MARK2: variants seen among roughly 807,000 people sequenced by gnomAD.
MARK2 encodes microtubule affinity regulating kinase 2.
A neutral mutation model predicts 89.8 loss-of-function variants in MARK2; 16 were observed. That is an observed-to-expected ratio of 0.18 (90% CI 0.12 to 0.27). MARK2 has a LOEUF of 0.27. MARK2 is among the 10% of genes least tolerant of loss of function. MARK2 has a pLI of 1.00. For missense variants in MARK2, 621 were observed against 1,049.9 expected, an observed-to-expected ratio of 0.59 and a Z score of 5.65; for synonymous variants, 382 against 399.5, an observed-to-expected ratio of 0.96 and a Z score of 0.52.
intron 1 of MARK2, among the ~76,000 whole-genome samples, chr11:63,863,824 G>A (rs1256996471): frequency 6.6e-6 from 1 of 151,904 alleles, no homozygotes. Flanking sequence ...CCAAGCTGGA[G>A]TGTAGTGGCC....
chr11:63,892,098 G>A (rs1939903200), intron 1 of MARK2, among the ~76,000 whole-genome samples: 1 of 152,238 alleles, frequency 6.6e-6, no homozygotes, highest in African/African-American at 2.4e-5. Context: ...GGGCTGGAAT[G>A]AGCAGACAAT....
In MARK2 at chr11:63,903,493, G is replaced by C. The variant is rs549167430; in HGVS notation, c.1514+335G>C. On this transcript the variant is annotated intron_variant, in intron 14 of 18. Transcript: ENST00000402010. The surrounding 1 kb of genome is among the most constrained non-coding windows in gnomAD (Gnocchi z 5.1). ...CCTTGTGTTGGGGGTCCCAGCTCAG[G>C]GCAGAACCAAGAGATGCCCACCTTG... 2.9e-5 allele frequency: 11 copies of C among 376,212 alleles called. No homozygotes were observed. The highest frequency in any genetic ancestry group is 2.7e-4 in the South Asian group (10 of 36,518). The allele number at this position is 376,212 out of a possible 1,614,324, so 23.3% of individuals were successfully genotyped here.
chr11:63,840,092 TC>T (rs1470107056), intron 1 of MARK2, among the ~76,000 whole-genome samples: 1 of 152,156 alleles, frequency 6.6e-6, no homozygotes, highest in Non-Finnish European at 1.5e-5. Flanking sequence ...CCCAGCTTTT[TC>T]TACCCTGCTT....
intron 1 of MARK2, among the ~76,000 whole-genome samples, chr11:63,842,467 A>G (rs1205023410): frequency 3.3e-5 from 5 of 151,966 alleles, no homozygotes; most frequent in Admixed American, 6.6e-5. Flanking sequence ...CGGCCTCCCA[A>G]AGTGCTGGGA....
chr11:63,906,035 G>GTT, intron 16 of MARK2, 53 bp from the exon 17 acceptor site: 50 of 1,214,334 alleles, frequency 4.1e-5, no homozygotes, highest in South Asian at 2.6e-4. Context: ...CGTCTTGTTG[G>GTT]TTTTTTTTTT....
At chr11:63,840,426 A>G (rs1256265746) in intron 1 of MARK2, among the ~76,000 whole-genome samples, 1 of 151,918 alleles carries the variant, frequency 6.6e-6, no homozygotes, top group Non-Finnish European at 1.5e-5. Flanking sequence ...CCAGCCTTCT[A>G]CTGGGCTCTT....
chr11:63,874,753 GT>G (rs1189037267), intron 1 of MARK2, among the ~76,000 whole-genome samples: 1 of 152,124 alleles, frequency 6.6e-6, no homozygotes, highest in Non-Finnish European at 1.5e-5. Context: ...CATGACCTTG[GT>G]TATCTCTTTA....
intron 11 of MARK2, among the ~76,000 whole-genome samples, chr11:63,901,422 G>GGTGTGTGT (rs147425490): frequency 1.6e-4 from 22 of 139,694 alleles, no homozygotes; most frequent in East Asian, 1.5e-3. Flanking sequence ...TACATTTCTG[G>GGTGTGTGT]GTGTGTGTGT....
chr11:63,889,175 G>A (rs1164938541), intron 1 of MARK2, among the ~76,000 whole-genome samples: 1 of 152,122 alleles, frequency 6.6e-6, no homozygotes, highest in Non-Finnish European at 1.5e-5. Context: ...AGAACAAGCA[G>A]CTTGACAAGT....
In MARK2 at chr11:63,904,796, C is replaced by G; in HGVS notation, c.1687C>G (p.Gln563Glu). ...CTTCTCTTCCCACAGCACAGCCCCC[C>G]AGCGTGTCCCTGTTGCCTCCCCATC... ...CEVPRPSTAP[Q>E]RVPVASPSAH... is the part of the protein sequence containing the mutation. Residue 563 changes from glutamine (Q) to glutamate (E), a missense_variant, in exon 16 of 19, where the codon CAG becomes GAG. This residue lies in a region of MARK2 where 397 missense variants were observed against 567.8 expected (regional missense o/e 0.70). Coordinates refer to ENST00000402010, the MANE Select transcript of MARK2 (RefSeq NM_001039469.3). This position sits in a 1 kb window ranked among gnomAD's most constrained non-coding sequence, Gnocchi z 6.3. 1 of 1,614,066 alleles carries G rather than the reference C, an allele frequency of 6.2e-7. No individual in the cohort carries two copies.
intron 1 of MARK2, among the ~76,000 whole-genome samples, chr11:63,856,523 A>AGTT (rs1347368749): frequency 1.3e-5 from 2 of 150,022 alleles, no homozygotes; most frequent in Non-Finnish European, 3.0e-5. Context: ...CTCCAGGCTC[A>AGTT]GTTGATCCTC....
chr11:63,839,698 C>T, intron 1 of MARK2, 138 bp downstream of exon 1: 1 of 647,038 alleles, frequency 1.5e-6, no homozygotes, highest in Non-Finnish European at 2.7e-6. Context: ...GCTCCTGGCT[C>T]CGGCTCCGCA....
chr11:63,841,779 G>C (rs534483253), intron 1 of MARK2, among the ~76,000 whole-genome samples: 1 of 152,272 alleles, frequency 6.6e-6, no homozygotes, highest in East Asian at 1.9e-4. Context: ...GCCTCAGTGT[G>C]GTTTCTTTGT....
rs986202944 is a variant in MARK2 at position 63,903,403 on chromosome 11, A to C, written c.1514+245A>C. 1 of 519,812 alleles carries C rather than the reference A, an allele frequency of 1.9e-6. No homozygotes were observed. Among genetic ancestry groups the C allele is most frequent in the Admixed American group, 3.2e-5 (1 of 31,300 alleles). The allele number at this position is 519,812 out of a possible 1,614,324, so 32.2% of individuals were successfully genotyped here. A position where few individuals can be genotyped will look rare whatever the true frequency, so the allele number is the denominator to read the frequency against. ...GGCTGACCGTGGCCATCTCAGCTAC[A>C]TGCTCGCTTCTTGACCACGGCCAGG... On this transcript the variant is annotated intron_variant, in intron 14 of 18. Coordinates refer to ENST00000402010, the MANE Select transcript of MARK2 (RefSeq NM_001039469.3). The surrounding 1 kb of genome is among the most constrained non-coding windows in gnomAD (Gnocchi z 5.1).
Position 63,909,162 on chromosome 11 carries a change from A to G in MARK2, c.2292A>G (p.Arg764=). The G allele has an allele frequency of 6.2e-7, 1 of 1,612,674 alleles. No homozygotes were observed. The highest frequency in any genetic ancestry group is 8.5e-7 in the Non-Finnish European group (1 of 1,178,856). The part of the protein sequence containing the change: ...KLPRLSLNGV[R]FKRISGTSMA... ...CGCGGCTCTCTCTCAACGGGGTTCGATTTAAGCGGATATCGGGCACCTCCA... is the reference window on the plus strand; with the variant it reads ...CGCGGCTCTCTCTCAACGGGGTTCGGTTTAAGCGGATATCGGGCACCTCCA... Residue 764 remains arginine (R), a synonymous_variant, in exon 19 of 19, where the codon CGA becomes CGG. Transcript: ENST00000402010.
At chr11:63,896,926 ATTC>A (rs888018897) in intron 3 of MARK2, among the ~76,000 whole-genome samples, 1 of 152,114 alleles carries the variant, frequency 6.6e-6, no homozygotes, top group Admixed American at 6.6e-5. Flanking sequence ...TTTCTCCCTA[ATTC>A]TTCTTGGTTT....
chr11:63,900,932 C>T lies in MARK2; in HGVS notation c.989-25C>T, dbSNP rs1291828169. 6.2e-7 allele frequency: 1 copy of T among 1,611,062 alleles called. No individual in the cohort carries two copies. The highest frequency in any genetic ancestry group is 2.2e-5 in the East Asian group (1 of 44,876). Reference sequence around the variant, plus strand: ...AGCTTGCCTAGGAGTTGAGGCCAGTCTTAACTGTATGTCCCCCTGTGCAGA... The same window carrying T: ...AGCTTGCCTAGGAGTTGAGGCCAGTTTTAACTGTATGTCCCCCTGTGCAGA... On this transcript the variant is annotated intron_variant, in intron 10 of 18. Transcript: ENST00000402010. The surrounding 1 kb of genome is among the most constrained non-coding windows in gnomAD (Gnocchi z 4.7).
chr11:63,890,679 C>T (rs930019817), intron 1 of MARK2, among the ~76,000 whole-genome samples: 1 of 152,232 alleles, frequency 6.6e-6, no homozygotes, highest in African/African-American at 2.4e-5. Flanking sequence ...CTGTAGCTGG[C>T]TTAGCGGGCT....
chr11:63,851,581 G>C (rs956297430), intron 1 of MARK2, among the ~76,000 whole-genome samples: 2 of 151,714 alleles, frequency 1.3e-5, no homozygotes, highest in Non-Finnish European at 2.9e-5. Context: ...GTCCATCTTA[G>C]GTTTTTCATT....
Sources: gnomAD v4.1 joint callset for allele counts (sites outside exome capture counted in the v4.1 genomes callset) on GRCh38, gnomAD v4.1.1 for gene constraint, gnomAD v4.1.1 regional missense constraint, Gnocchi (gnomAD v3.1) non-coding constraint, MANE v1.5 for transcripts, NCBI Gene and HGNC (gene_info 2026-07-23, HGNC 2026-07-21) for gene names.